The following KALRN variants were observed in gnomAD, a reference collection of about 807,000 sequenced individuals.
KALRN encodes the protein kalirin RhoGEF kinase, also known as kalirin.
In KALRN, 70 loss-of-function variants were observed where a neutral mutation model predicts 353.7. The ratio of observed to expected loss-of-function variants is 0.20; its 90% CI spans 0.16 to 0.24. KALRN has a LOEUF of 0.24. KALRN is among the 10% of genes least tolerant of loss of function. The pLI, the probability that KALRN is intolerant of heterozygous loss-of-function variation, is 1.00. For synonymous variants in KALRN, 1,391 were observed against 1,434.8 expected (o/e 0.97, Z 0.69); for missense variants, 2,791 against 3,756.7 (o/e 0.74, Z 6.72).
At chr3:124,405,415 A>C (rs1342763406) in intron 13 of KALRN, among the ~76,000 whole-genome samples, 1 of 152,158 alleles carries the variant, frequency 6.6e-6, no homozygotes, top group Non-Finnish European at 1.5e-5. Context: ...ACACAGGGGG[A>C]GAAAACATTC....
chr3:124,605,100 T>G (rs1359209197), intron 34 of KALRN, among the ~76,000 whole-genome samples: 1 of 151,684 alleles, frequency 6.6e-6, no homozygotes, highest in Non-Finnish European at 1.5e-5. Flanking sequence ...GAGGCGAAAG[T>G]TGAAGTGAGC....
chr3:124,605,226 A>G (rs2077210474), intron 34 of KALRN, among the ~76,000 whole-genome samples: 1 of 151,704 alleles, frequency 6.6e-6, no homozygotes, highest in Non-Finnish European at 1.5e-5. Context: ...GATTACAGGC[A>G]TGAGCCAGCA....
intron 59 of KALRN, among the ~76,000 whole-genome samples, chr3:124,717,874 C>T (rs1048682086): frequency 7.2e-5 from 11 of 151,966 alleles, no homozygotes; most frequent in African/African-American, 1.4e-4. Context: ...TGCAGTGGTG[C>T]GATCTCGGCT....
chr3:124,474,666 C>T lies in KALRN; in HGVS notation c.4035C>T (p.Ile1345=). 6.2e-7 allele frequency: 1 copy of T among 1,613,894 alleles called. No individual in the cohort carries two copies. The highest frequency in any genetic ancestry group is 8.5e-7 in the Non-Finnish European group (1 of 1,179,786). Reference sequence around the variant, plus strand: ...CAGTCTTTTTCTCCTCTTGCAGCATCTTCCTCAAAGAGCTGGAGAAGTACG... The same window carrying T: ...CAGTCTTTTTCTCCTCTTGCAGCATTTTCCTCAAAGAGCTGGAGAAGTACG... The part of the protein sequence containing the change: ...IQEIYDFHNN[I]FLKELEKYEQ... Residue 1345 remains isoleucine, a synonymous_variant, in exon 26 of 60, where the codon ATC becomes ATT. Coordinates refer to ENST00000682506, the MANE Select transcript of KALRN (RefSeq NM_001388419.1).
At chr3:124,347,410 T>G (rs2082387311) in intron 10 of KALRN, 145 bp downstream of exon 10, 2 of 1,329,130 alleles carry the variant, frequency 1.5e-6, no homozygotes, top group African/African-American at 1.5e-5. Flanking sequence ...TGTGTCTAGA[T>G]GAGGGAGACC....
At chr3:124,099,439 T>G (rs2061684607) in intron 1 of KALRN, 1 of 152,228 alleles carries the variant, frequency 6.6e-6, no homozygotes, top group Admixed American at 6.5e-5. Flanking sequence ...ATAACACATT[T>G]TCTTTATCTA....
chr3:124,259,820 A>G (rs1268622653), intron 3 of KALRN, among the ~76,000 whole-genome samples: 1 of 152,250 alleles, frequency 6.6e-6, no homozygotes, highest in Non-Finnish European at 1.5e-5. Flanking sequence ...GAGAAGGGGT[A>G]TAAAGAGTGC....
intron 37 of KALRN, among the ~76,000 whole-genome samples, chr3:124,644,678 A>G (rs1323759992): frequency 6.6e-6 from 1 of 152,236 alleles, no homozygotes; most frequent in African/African-American, 2.4e-5. Context: ...ACAACTGCAT[A>G]GTATTCCATG....
intron 3 of KALRN, among the ~76,000 whole-genome samples, chr3:124,261,838 G>A (rs1431062439): frequency 6.6e-6 from 1 of 152,146 alleles, no homozygotes; most frequent in Non-Finnish European, 1.5e-5. Flanking sequence ...AGTTGGGCAT[G>A]CAACAAATAT....
At chr3:124,568,141 CT>C (rs1219874926) in intron 34 of KALRN, among the ~76,000 whole-genome samples, 9 of 152,294 alleles carry the variant, frequency 5.9e-5, no homozygotes, top group Middle Eastern at 3.4e-3. Context: ...TAAAGAACTC[CT>C]GCAACTCAAC....
At chr3:124,554,458 T>G (rs2070955251) in intron 33 of KALRN, among the ~76,000 whole-genome samples, 1 of 152,246 alleles carries the variant, frequency 6.6e-6, no homozygotes, top group Non-Finnish European at 1.5e-5. Context: ...AACTCATCTA[T>G]GAAATGTCTC....
At chr3:124,225,689 G>A (rs1451462204) in intron 1 of KALRN, among the ~76,000 whole-genome samples, 1 of 152,158 alleles carries the variant, frequency 6.6e-6, no homozygotes, top group African/African-American at 2.4e-5. Flanking sequence ...CCTCTCCAAG[G>A]ATGGGAGTAG....
At chr3:124,518,433 C>A in intron 33 of KALRN, 1 of 1,614,126 alleles carries the variant, frequency 6.2e-7, no homozygotes, top group Non-Finnish European at 8.5e-7. Flanking sequence ...GCACCTGGGA[C>A]CTGGAGATCC....
At chr3:124,089,248 G>A (rs1193622892) in intron 1 of KALRN, among the ~76,000 whole-genome samples, 1 of 152,284 alleles carries the variant, frequency 6.6e-6, no homozygotes, top group East Asian at 1.9e-4. Flanking sequence ...TGCTGAGGGG[G>A]GCTATCTGGA....
chr3:124,591,142 A>G (rs1325673767), intron 34 of KALRN, among the ~76,000 whole-genome samples: 1 of 152,202 alleles, frequency 6.6e-6, no homozygotes, highest in East Asian at 1.9e-4. Flanking sequence ...TCTGCTTTCA[A>G]GGGACTCTTC....
intron 10 of KALRN, among the ~76,000 whole-genome samples, chr3:124,377,235 C>T (rs537793910): frequency 5.9e-5 from 9 of 152,246 alleles, no homozygotes; most frequent in African/African-American, 1.7e-4. Context: ...CAGATAATGT[C>T]GATAAAGAAC....
chr3:124,688,919 A>C (rs1314131502), intron 51 of KALRN, among the ~76,000 whole-genome samples: 1 of 152,252 alleles, frequency 6.6e-6, no homozygotes, highest in Non-Finnish European at 1.5e-5. Context: ...TTGAAGAAAA[A>C]ACGATAAAAT....
intron 14 of KALRN, among the ~76,000 whole-genome samples, chr3:124,419,725 G>A (rs912654824): frequency 6.6e-6 from 1 of 152,122 alleles, no homozygotes; most frequent in African/African-American, 2.4e-5. Context: ...ATTGGAGTAT[G>A]GGCACAGGAA....
intron 2 of KALRN, among the ~76,000 whole-genome samples, chr3:124,230,824 AAAAAC>A (rs1376041567): frequency 1.3e-5 from 2 of 149,842 alleles, no homozygotes; most frequent in Admixed American, 6.7e-5. Context: ...AGCAAAAAAC[AAAAAC>A]AAAACAAAAC....
Sources: gnomAD v4.1 joint callset for allele counts (sites outside exome capture counted in the v4.1 genomes callset) on GRCh38, gnomAD v4.1.1 for gene constraint, MANE v1.5 for transcripts, NCBI Gene and HGNC (gene_info 2026-07-23, HGNC 2026-07-21) for gene names.